Variants in KCNH1 observed in about 807,000 individuals in gnomAD.
KCNH1 encodes the protein voltage-gated delayed rectifier potassium channel KCNH1.
Under a neutral mutation model 69.2 loss-of-function variants are expected in KCNH1, and 27 were observed. The ratio of observed to expected loss-of-function variants is 0.39; its 90% CI spans 0.29 to 0.54. KCNH1 has a LOEUF of 0.54. Among genes scored for constraint, KCNH1 ranks in the 20% least tolerant of loss-of-function variants. KCNH1 has a pLI of 0.68. For synonymous variants in KCNH1, 456 were observed against 487.7 expected, an observed-to-expected ratio of 0.93 and a Z score of 0.86; for missense variants, 798 against 1,261.6, an observed-to-expected ratio of 0.63 and a Z score of 5.57.
chr1:210,784,131 T>C (rs1684047230), intron 9 of KCNH1, among the ~76,000 whole-genome samples: 1 of 152,216 alleles, frequency 6.6e-6, no homozygotes, highest in South Asian at 2.1e-4. Flanking sequence ...CAGGTTCAGG[T>C]GCCCAGCACC....
chr1:210,888,826 A>C (rs1686678865), intron 7 of KCNH1, among the ~76,000 whole-genome samples: 1 of 152,236 alleles, frequency 6.6e-6, no homozygotes, highest in South Asian at 2.1e-4. Context: ...ATTCCTGGAC[A>C]CATATACCCC....
chr1:211,117,706 G>A (rs1031835429), intron 1 of KCNH1, among the ~76,000 whole-genome samples: 1 of 152,200 alleles, frequency 6.6e-6, no homozygotes, highest in Non-Finnish European at 1.5e-5. Flanking sequence ...ATGATAACAA[G>A]TTGAATTCTA....
chr1:210,990,267 G>A (rs1432940198), intron 6 of KCNH1, among the ~76,000 whole-genome samples: 1 of 152,164 alleles, frequency 6.6e-6, no homozygotes, highest in African/African-American at 2.4e-5. Context: ...AGGGTATAAT[G>A]GCTAAGCTGC....
intron 7 of KCNH1, among the ~76,000 whole-genome samples, chr1:210,837,372 A>G (rs956193150): frequency 1.3e-5 from 2 of 152,072 alleles, no homozygotes; most frequent in African/African-American, 4.8e-5. Context: ...TTAACTCCCC[A>G]AACTCAGATT....
chr1:210,807,576 A>C (rs1334744147), intron 7 of KCNH1, among the ~76,000 whole-genome samples: 1 of 152,086 alleles, frequency 6.6e-6, no homozygotes, highest in Non-Finnish European at 1.5e-5. Flanking sequence ...GTGCCACTGC[A>C]CTCCAGCCTG....
chr1:210,893,618 T>C lies in KCNH1; in HGVS notation c.1462+26022A>G, dbSNP rs142471415. On this transcript the variant is annotated intron_variant, in intron 7 of 10. Transcript: ENST00000271751. ...AAATATTGCTTCTACTTTCTCTCTG[T>C]CTCTCTCATCCTTTGCTTTTTATTT... is the stretch of plus-strand genomic sequence containing the variant. Among the ~76,000 whole-genome samples, 789 of 152,130 alleles carry C rather than the reference T, an allele frequency of 5.2e-3. 9 individuals are homozygous for C. The highest frequency in any genetic ancestry group is 0.018 in the African/African-American group (747 of 41,530).
chr1:210,680,387 G>GTTTT lies in KCNH1; in HGVS notation c.*2893_*2894insAAAA, dbSNP rs1681236941. ...ATATCATGCCCCGACTCCTCAAAGAGGAAAAACATACATCCTGGGCAAATC... is the reference window on the plus strand; with the variant it reads ...ATATCATGCCCCGACTCCTCAAAGAGTTTTGAAAAACATACATCCTGGGCAAATC... On this transcript the variant is annotated 3_prime_UTR_variant, in exon 11 of 11. Transcript: ENST00000271751. 1 of 152,006 alleles carries GTTTT rather than the reference G, an allele frequency of 6.6e-6. No homozygotes were observed. Among genetic ancestry groups the GTTTT allele is most frequent in the African/African-American group, 2.4e-5 (1 of 41,366 alleles). 9.4% of individuals were successfully genotyped at this position (152,006 alleles called of 1,614,324 possible). A position where few individuals can be genotyped will look rare whatever the true frequency, so the allele number is the denominator to read the frequency against.
At chr1:210,929,354 G>T (rs1172292678) in intron 6 of KCNH1, among the ~76,000 whole-genome samples, 1 of 152,106 alleles carries the variant, frequency 6.6e-6, no homozygotes, top group Non-Finnish European at 1.5e-5. Flanking sequence ...TCATACCAGG[G>T]ATGCAGGGAT....
intron 10 of KCNH1, among the ~76,000 whole-genome samples, chr1:210,712,940 T>C (rs1682114389): frequency 6.7e-6 from 1 of 150,090 alleles, no homozygotes; most frequent in South Asian, 2.2e-4. Context: ...GCAGAGCCAC[T>C]TGCCTTCCCT....
At chr1:210,759,853 C>G (rs1331327913) in intron 10 of KCNH1, among the ~76,000 whole-genome samples, 1 of 152,118 alleles carries the variant, frequency 6.6e-6, no homozygotes, top group Non-Finnish European at 1.5e-5. Flanking sequence ...TACTATACAA[C>G]AGGGGCTCCC....
chr1:210,838,822 C>T (rs996961250), intron 7 of KCNH1, among the ~76,000 whole-genome samples: 4 of 152,184 alleles, frequency 2.6e-5, no homozygotes, highest in Admixed American at 6.6e-5. Context: ...AGCTCAACAT[C>T]ACTAATCATT....
At chr1:210,699,374 C>T (rs141145023) in intron 10 of KCNH1, among the ~76,000 whole-genome samples, 5 of 152,300 alleles carry the variant, frequency 3.3e-5, no homozygotes, top group African/African-American at 7.2e-5. Flanking sequence ...TGGACACAGA[C>T]CTGTTCAGAG....
At position 210,769,432 on chromosome 1, in the gene KCNH1, C is replaced by T. The variant is rs2102362333; in HGVS notation, c.2112+5916G>A. Among the ~76,000 whole-genome samples the T allele has an allele frequency of 1.3e-5, 2 of 152,288 alleles. 1 individual carries two copies. The highest frequency in any genetic ancestry group is 4.1e-4 in the South Asian group (2 of 4,822). ...TTAGAAAACAGGCATTAGGAGGGCT[C>T]AGCTTTGAGAACATCAGTAACTATA... is the stretch of plus-strand genomic sequence containing the variant. On this transcript the variant is annotated intron_variant, in intron 10 of 10. Coordinates refer to ENST00000271751, the MANE Select transcript of KCNH1 (RefSeq NM_172362.3).
chr1:211,077,204 G>C (rs1397320437), intron 5 of KCNH1, among the ~76,000 whole-genome samples: 1 of 152,124 alleles, frequency 6.6e-6, no homozygotes, highest in Non-Finnish European at 1.5e-5. Flanking sequence ...TTATCCAGGA[G>C]AACTTCCCCA....
intron 3 of KCNH1, among the ~76,000 whole-genome samples, chr1:211,097,590 A>G (rs1388086901): frequency 6.6e-6 from 1 of 152,340 alleles, no homozygotes; most frequent in Non-Finnish European, 1.5e-5. Context: ...AATAAGCAAA[A>G]TATGATTGCT....
intron 8 of KCNH1, among the ~76,000 whole-genome samples, chr1:210,801,510 C>A (rs1684425681): frequency 6.6e-6 from 1 of 152,202 alleles, no homozygotes; most frequent in South Asian, 2.1e-4. Context: ...GGGCAAATCC[C>A]AAAGCCCTCC....
intron 6 of KCNH1, among the ~76,000 whole-genome samples, chr1:210,925,314 T>C (rs1687545623): frequency 6.6e-6 from 1 of 152,250 alleles, no homozygotes; most frequent in African/African-American, 2.4e-5. Flanking sequence ...AGACTCATGC[T>C]GTGAACTTTT....
intron 10 of KCNH1, among the ~76,000 whole-genome samples, chr1:210,750,044 G>A (rs1683249947): frequency 6.6e-6 from 1 of 152,130 alleles, no homozygotes; most frequent in Admixed American, 6.6e-5. Flanking sequence ...CGTCCAGCTG[G>A]CTGCTTGCTA....
At chr1:210,956,327 C>A (rs563648961) in intron 6 of KCNH1, among the ~76,000 whole-genome samples, 2 of 152,286 alleles carry the variant, frequency 1.3e-5, no homozygotes, top group South Asian at 4.2e-4. Flanking sequence ...AGGATTTTCA[C>A]ATCGATGTTC....
Sources: gnomAD v4.1 joint callset for allele counts (sites outside exome capture counted in the v4.1 genomes callset) on GRCh38, gnomAD v4.1.1 for gene constraint, MANE v1.5 for transcripts, NCBI Gene and HGNC (gene_info 2026-07-23, HGNC 2026-07-21) for gene names.